AMMECR1: variants seen among roughly 807,000 people sequenced by gnomAD.
AMMECR1 encodes the protein AMMECR nuclear protein 1.
In AMMECR1, 3 loss-of-function variants were observed where a neutral mutation model predicts 22.5. The observed-to-expected ratio is 0.13, with a 90% confidence interval of 0.06 to 0.35. AMMECR1 has a LOEUF of 0.35. Among genes scored for constraint, AMMECR1 ranks in the 10% least tolerant of loss-of-function variants. The probability of loss-of-function intolerance (pLI) is 1.00; values close to 1 mark genes in which losing one functional copy is unlikely to be tolerated. For missense variants in AMMECR1, 235 were observed against 278.7 expected (o/e 0.84, Z 1.12); for synonymous variants, 130 against 116.7 (o/e 1.11, Z -0.74).
At chrX:110,319,241 C>G (rs886559913), upstream of AMMECR1, among the ~76,000 whole-genome samples, 1 of 111,983 alleles carries the variant, frequency 8.9e-6, no homozygotes, top group African/African-American at 3.2e-5. Flanking sequence ...TAGAAATGAA[C>G]GTGATAGAAA....
At chrX:110,219,353 C>T (rs749028487) in intron 2 of AMMECR1, 54 of 751,671 alleles carry the variant, frequency 7.2e-5, no homozygotes, top group Admixed American at 8.8e-5. Flanking sequence ...TAATGAAGCA[C>T]ATTTTGTACC....
At chrX:110,202,795 T>C (rs150533119) in intron 3 of AMMECR1, among the ~76,000 whole-genome samples, 1,253 of 111,600 alleles carry the variant, frequency 0.011, 13 homozygotes, top group Admixed American at 0.052. Flanking sequence ...ACAACTATTC[T>C]GAAGCTGTCT....
At chrX:110,424,146 C>T (rs2068737977) in intron 2 of AMMECR1, among the ~76,000 whole-genome samples, 1 of 111,635 alleles carries the variant, frequency 9.0e-6, no homozygotes, top group African/African-American at 3.3e-5. Context: ...TGCAAGGTCA[C>T]ACTCAGTTAA....
At chrX:110,203,914 C>T (rs191994815) in intron 3 of AMMECR1, among the ~76,000 whole-genome samples, 1 of 111,833 alleles carries the variant, frequency 8.9e-6, no homozygotes, top group Non-Finnish European at 1.9e-5. Flanking sequence ...TAAAGCATAT[C>T]TCTGGCTATT....
At chrX:110,359,065 C>T (rs1940200310) in intron 2 of AMMECR1, 1 of 111,584 alleles carries the variant, frequency 9.0e-6, no homozygotes, top group African/African-American at 3.3e-5. Context: ...ATTATTGCCC[C>T]CATAATACAT....
intron 1 of AMMECR1, among the ~76,000 whole-genome samples, chrX:110,302,575 G>A (rs756851021): frequency 9.0e-6 from 1 of 111,624 alleles, no homozygotes; most frequent in Non-Finnish European, 1.9e-5. Flanking sequence ...GAAGGGGTAA[G>A]AGGAGAATTT....
At chrX:110,385,403 A>C (rs1279125267) in intron 2 of AMMECR1, among the ~76,000 whole-genome samples, 2 of 111,455 alleles carry the variant, frequency 1.8e-5, no homozygotes, top group African/African-American at 6.5e-5. Flanking sequence ...CAGTTCAGTC[A>C]TTTTTAGTAT....
intron 2 of AMMECR1, among the ~76,000 whole-genome samples, chrX:110,326,976 A>T (rs902640507): frequency 8.9e-6 from 1 of 112,154 alleles, no homozygotes; most frequent in African/African-American, 3.2e-5. Flanking sequence ...ATTTATGATT[A>T]TGACTAGATT....
At chrX:110,289,050 C>G (rs1263535706) in intron 1 of AMMECR1, among the ~76,000 whole-genome samples, 1 of 112,302 alleles carries the variant, frequency 8.9e-6, no homozygotes, top group East Asian at 2.8e-4. Flanking sequence ...ACTAGAATGT[C>G]TAGTCCTCTC....
At chrX:110,306,309 A>G (rs2067994803) in intron 1 of AMMECR1, among the ~76,000 whole-genome samples, 1 of 111,480 alleles carries the variant, frequency 9.0e-6, no homozygotes, top group African/African-American at 3.3e-5. Flanking sequence ...ATAAAATAAA[A>G]TAAAAAATAA....
At chrX:110,252,175 T>G (rs1254985591) in intron 2 of AMMECR1, among the ~76,000 whole-genome samples, 1 of 111,389 alleles carries the variant, frequency 9.0e-6, no homozygotes, top group East Asian at 2.8e-4. Context: ...TTCCCTTGGG[T>G]CACAAAGCTA....
chrX:110,430,275 A>T (rs947678572), intron 1 of AMMECR1, among the ~76,000 whole-genome samples: 1 of 112,987 alleles, frequency 8.9e-6, no homozygotes, highest in Non-Finnish European at 1.9e-5. Context: ...TCTGGTATTA[A>T]CAAAGAACAG....
Position 110,342,764 on chromosome X carries a change from G to A in AMMECR1, c.-147-24915C>T, listed in dbSNP as rs1458499250. On this transcript the variant is annotated intron_variant, in intron 2 of 7. Coordinates refer to the AMMECR1 transcript ENST00000372057. Reference sequence around the variant, plus strand: ...CTTAATATACTACTTAATTACTTAAGACATTTATTAATAGAATGATAAATG... The same window carrying A: ...CTTAATATACTACTTAATTACTTAAAACATTTATTAATAGAATGATAAATG... Among the ~76,000 whole-genome samples the A allele has an allele frequency of 5.4e-5, 6 of 111,840 alleles. No individual in the cohort carries two copies. The East Asian group carries it at 1.7e-3, about 31-fold the overall frequency.
chrX:110,209,604 T>C (rs905258883), intron 3 of AMMECR1, among the ~76,000 whole-genome samples: 1 of 112,003 alleles, frequency 8.9e-6, no homozygotes, highest in Non-Finnish European at 1.9e-5. Flanking sequence ...CTTTGAAAGT[T>C]AGGGACCTCT....
At chrX:110,327,847 C>T (rs768557080) in intron 2 of AMMECR1, among the ~76,000 whole-genome samples, 1 of 111,421 alleles carries the variant, frequency 9.0e-6, no homozygotes, top group Non-Finnish European at 1.9e-5. Flanking sequence ...CTGAAAAGAG[C>T]AAATACTGAG....
intron 2 of AMMECR1, among the ~76,000 whole-genome samples, chrX:110,356,675 A>G (rs1225116562): frequency 9.0e-6 from 1 of 111,551 alleles, no homozygotes; most frequent in Non-Finnish European, 1.9e-5. Context: ...ATATATATAT[A>G]CACACCTTAT....
At chrX:110,348,520 A>G (rs1468775405) in intron 2 of AMMECR1, among the ~76,000 whole-genome samples, 4 of 112,386 alleles carry the variant, frequency 3.6e-5, no homozygotes, top group Non-Finnish European at 7.5e-5. Flanking sequence ...GAAAAAGCAC[A>G]CTGCAACTAG....
chrX:110,404,327 A>T (rs192082777), intron 2 of AMMECR1, among the ~76,000 whole-genome samples: 2 of 111,649 alleles, frequency 1.8e-5, no homozygotes. Flanking sequence ...ATTGTGGCCT[A>T]GTGCTTAGGA....
intron 1 of AMMECR1, among the ~76,000 whole-genome samples, chrX:110,290,655 A>C (rs1199361020): frequency 9.0e-6 from 1 of 111,469 alleles, no homozygotes; most frequent in Non-Finnish European, 1.9e-5. Context: ...TGAAAAGGCC[A>C]GTGTTAAAAA....
Sources: allele counts gnomAD v4.1 joint callset (sites outside exome capture counted in the v4.1 genomes callset), GRCh38; gene constraint gnomAD v4.1.1; transcripts MANE v1.5; gene names NCBI Gene and HGNC (gene_info 2026-07-23, HGNC 2026-07-21).